Variants in ECT2L observed in about 807,000 individuals in gnomAD.
ECT2L encodes epithelial cell transforming 2 like.
In ECT2L, 126 loss-of-function variants were observed where a neutral mutation model predicts 122.8. That is an observed-to-expected ratio of 1.03 (90% confidence interval 0.89 to 1.19). ECT2L has a LOEUF of 1.19. Ranked by LOEUF, ECT2L falls within the 50% of genes most tolerant of loss-of-function variation. The pLI is 0.00. For synonymous variants in ECT2L, 385 were observed against 381.8 expected (o/e 1.01, Z -0.10); for missense variants, 1,012 against 1,064.1 (o/e 0.95, Z 0.68).
chr6:138,841,483 G>C (rs1396051660), intron 5 of ECT2L, among the ~76,000 whole-genome samples: 1 of 152,186 alleles, frequency 6.6e-6, no homozygotes, highest in Non-Finnish European at 1.5e-5. Context: ...GTCTAATTAA[G>C]TATTATCCTT....
In ECT2L at chr6:138,902,676, GACA is replaced by G. The variant is rs1260723481; in HGVS notation, c.*53_*55del. ...GTGCCAATTCTCCCCAGCAAAGACA[GACA>G]ACATGTATTTTCTGTTCCAAAATAT... On this transcript the variant is annotated 3_prime_UTR_variant, in exon 22 of 22. Coordinates refer to ENST00000541398, the MANE Select transcript of ECT2L (RefSeq NM_001077706.3). The G allele has an allele frequency of 1.9e-6, 3 of 1,605,452 alleles. No homozygotes were observed. Among genetic ancestry groups the G allele is most frequent in the African/African-American group, 2.7e-5 (2 of 74,634 alleles).
intron 10 of ECT2L, among the ~76,000 whole-genome samples, chr6:138,858,588 T>C (rs1436837535): frequency 6.6e-6 from 1 of 151,860 alleles, no homozygotes; most frequent in East Asian, 1.9e-4. Context: ...CCCCAAAAGT[T>C]TCCTCATGCC....
intron 4 of ECT2L, among the ~76,000 whole-genome samples, chr6:138,818,986 C>G (rs1776166782): frequency 6.6e-6 from 1 of 152,056 alleles, no homozygotes; most frequent in Non-Finnish European, 1.5e-5. Flanking sequence ...AAAGTTTGGT[C>G]AAGCAGAGAA....
At chr6:138,806,555 C>T (rs1374107683) in intron 1 of ECT2L, among the ~76,000 whole-genome samples, 2 of 130,052 alleles carry the variant, frequency 1.5e-5, no homozygotes, top group African/African-American at 6.0e-5. Flanking sequence ...CTCTGTCCCC[C>T]AGGCTGGAGT....
intron 11 of ECT2L, among the ~76,000 whole-genome samples, chr6:138,864,776 CAA>C (rs1777966357): frequency 6.6e-6 from 1 of 152,182 alleles, no homozygotes; most frequent in Non-Finnish European, 1.5e-5. Context: ...CCTCAGCTAT[CAA>C]AGAGTAGACA....
At chr6:138,873,653 G>A (rs1407539563) in intron 13 of ECT2L, among the ~76,000 whole-genome samples, 1 of 152,098 alleles carries the variant, frequency 6.6e-6, no homozygotes, top group Admixed American at 6.6e-5. Flanking sequence ...AATTAGCTGG[G>A]CCTGGTGGTG....
intron 20 of ECT2L, among the ~76,000 whole-genome samples, chr6:138,899,553 A>G (rs1463574029): frequency 6.6e-6 from 1 of 152,068 alleles, no homozygotes; most frequent in East Asian, 1.9e-4. Context: ...TGCTATGTGG[A>G]AAAGTAGAGG....
intron 4 of ECT2L, among the ~76,000 whole-genome samples, chr6:138,825,577 C>T (rs368349561): frequency 5.7e-4 from 86 of 151,348 alleles, no homozygotes; most frequent in African/African-American, 2.0e-3. Flanking sequence ...AGCAGGACTC[C>T]GTCTAAAAAA....
In ECT2L at chr6:138,814,519, GT is replaced by G. The variant is rs766580712; in HGVS notation, c.96del (p.His33IlefsTer20). On this transcript the variant is annotated frameshift_variant, in exon 4 of 22. Coordinates refer to ENST00000541398, the MANE Select transcript of ECT2L (RefSeq NM_001077706.3). LOFTEE classifies it high-confidence loss of function. ...QLFQERVALI[S>X]HWFDLWTNKQ... ...TTTCAGGAAAGAGTGGCTCTTATAA[GT>G]CATTGGTTTGACCTCTGGACTAACA... 23 of 1,610,978 alleles carry G rather than the reference GT, an allele frequency of 1.4e-5. No homozygotes were observed. In the South Asian group the frequency reaches 2.4e-4, roughly 17 times the overall value.
At chr6:138,811,411 G>T (rs1440943482) in intron 1 of ECT2L, among the ~76,000 whole-genome samples, 1 of 152,168 alleles carries the variant, frequency 6.6e-6, no homozygotes, top group African/African-American at 2.4e-5. Context: ...CAGAGGTACT[G>T]GTTATGAACT....
intron 18 of ECT2L, among the ~76,000 whole-genome samples, chr6:138,886,628 G>A (rs1281754051): frequency 6.6e-6 from 1 of 151,416 alleles, no homozygotes; most frequent in African/African-American, 2.4e-5. Context: ...ACTTTGCCCA[G>A]GCTGGTCTTG....
At position 138,901,099 on chromosome 6, in the gene ECT2L, G is replaced by A. The variant is rs1329114957; in HGVS notation, c.2566G>A (p.Glu856Lys). The A allele has an allele frequency of 3.7e-6, 6 of 1,613,888 alleles. No individual in the cohort carries two copies. The highest frequency in any genetic ancestry group is 5.1e-6 in the Non-Finnish European group (6 of 1,179,966). The part of the protein sequence containing the change: ...ASVALHRLLI[E>K]NIPDSKYVKN... Reference sequence around the variant, plus strand: ...AGTGGCCCTTCATCGGTTACTCATAGAAAATATTCCAGATTCCAAGTGTAT... The same window carrying A: ...AGTGGCCCTTCATCGGTTACTCATAAAAAATATTCCAGATTCCAAGTGTAT... Residue 856 changes from glutamate to lysine, a missense_variant, in exon 21 of 22, where the codon GAA (glutamate) becomes AAA (lysine). Physicochemically the swap from Glu to Lys is moderately conservative, Grantham distance 56. Transcript: ENST00000541398.
chr6:138,864,294 A>C (rs1777949531), intron 11 of ECT2L, among the ~76,000 whole-genome samples: 1 of 152,114 alleles, frequency 6.6e-6, no homozygotes, highest in Non-Finnish European at 1.5e-5. Context: ...CATACTCCAG[A>C]CTGGGTGACA....
chr6:138,808,729 CTTT>C (rs748228059), intron 1 of ECT2L, among the ~76,000 whole-genome samples: 12 of 92,576 alleles, frequency 1.3e-4, no homozygotes, highest in African/African-American at 3.8e-4. Flanking sequence ...TTTCTCTTTT[CTTT>C]TTTTTTTTTT....
intron 4 of ECT2L, among the ~76,000 whole-genome samples, chr6:138,834,739 T>C (rs541184405): frequency 6.6e-6 from 1 of 152,312 alleles, no homozygotes; most frequent in South Asian, 2.1e-4. Context: ...CTTGGCATTG[T>C]CACAGTCTTG....
chr6:138,874,808 T>C (rs1033943686), intron 13 of ECT2L, among the ~76,000 whole-genome samples: 1 of 152,140 alleles, frequency 6.6e-6, no homozygotes, highest in Admixed American at 6.6e-5. Context: ...GAGTGCAAGA[T>C]ACTGGCTGGG....
chr6:138,873,829 C>T (rs868387175), intron 13 of ECT2L, among the ~76,000 whole-genome samples: 11 of 150,606 alleles, frequency 7.3e-5, no homozygotes, highest in African/African-American at 2.7e-4. Context: ...ACAAACCCTC[C>T]CAGAGAGGCT....
intron 9 of ECT2L, 149 bp from the exon 10 acceptor site, chr6:138,853,877 G>A (rs1777529511): frequency 1.2e-6 from 1 of 819,150 alleles, no homozygotes. Context: ...CTCCAACATG[G>A]TACGGGAGGA....
chr6:138,865,132 T>A lies in ECT2L; in HGVS notation c.1428T>A (p.Tyr476Ter). 6.2e-7 allele frequency: 1 copy of A among 1,613,940 alleles called. No homozygotes were observed. Among genetic ancestry groups the A allele is most frequent in the Non-Finnish European group, 8.5e-7 (1 of 1,179,900 alleles). The stretch of plus-strand genomic sequence containing the variant: ...TGAAAACAGTAAGGAAGCAGCTGTA[T>A]CCTTTCTTCAAGGAACTGCAGAAGA... ...ETLKTVRKQLYPFFKELQKSI... is the reference protein window; with the variant it reads ...ETLKTVRKQL The change falls in exon 12 of 22, where the codon TAT (tyrosine) becomes TAA (stop). Residue 476 changes from tyrosine to a stop codon, truncating the protein, a stop_gained. Coordinates refer to ENST00000541398, the MANE Select transcript of ECT2L (RefSeq NM_001077706.3). LOFTEE classifies it high-confidence loss of function.
Sources: gnomAD v4.1 joint callset for allele counts (sites outside exome capture counted in the v4.1 genomes callset) on GRCh38, gnomAD v4.1.1 for gene constraint, MANE v1.5 for transcripts, NCBI Gene and HGNC (gene_info 2026-07-23, HGNC 2026-07-21) for gene names.